The following HS6ST3 variants were observed in gnomAD, a reference collection of about 807,000 sequenced individuals.
HS6ST3 encodes the protein heparan-sulfate 6-O-sulfotransferase 3.
HS6ST3 carries 12 observed loss-of-function variants against 36.7 expected under a neutral mutation model. The observed-to-expected ratio is 0.33, with a 90% confidence interval of 0.21 to 0.53. HS6ST3 has a LOEUF of 0.53. Ranked by LOEUF, HS6ST3 falls within the 20% of genes least tolerant of loss-of-function variation. The pLI, the probability that HS6ST3 is intolerant of heterozygous loss-of-function variation, is 0.95. For missense variants in HS6ST3, 584 were observed against 640.9 expected (o/e 0.91, Z 0.96); for synonymous variants, 240 against 257.5 (o/e 0.93, Z 0.65).
chr13:96,609,973 AT>A (rs1444080482), intron 1 of HS6ST3, among the ~76,000 whole-genome samples: 2 of 152,198 alleles, frequency 1.3e-5, no homozygotes, highest in Non-Finnish European at 2.9e-5. Flanking sequence ...AAGAACAGCT[AT>A]TATGCTTGTT....
chr13:96,717,736 T>C (rs1875738134), intron 1 of HS6ST3, among the ~76,000 whole-genome samples: 1 of 152,140 alleles, frequency 6.6e-6, no homozygotes, highest in Non-Finnish European at 1.5e-5. Context: ...TCTCCTGGTG[T>C]CAAGCTGGAA....
chr13:96,370,639 T>C (rs1195159041), intron 1 of HS6ST3, among the ~76,000 whole-genome samples: 1 of 152,202 alleles, frequency 6.6e-6, no homozygotes, highest in Non-Finnish European at 1.5e-5. Flanking sequence ...TGGCCAGGTG[T>C]GGTGGCTCAT....
At chr13:96,602,051 T>A (rs2056423566) in intron 1 of HS6ST3, among the ~76,000 whole-genome samples, 1 of 152,304 alleles carries the variant, frequency 6.6e-6, no homozygotes, top group South Asian at 2.1e-4. Flanking sequence ...TAGTATTTTT[T>A]AAACTGCGTT....
chr13:96,274,399 A>G (rs1026116859), intron 1 of HS6ST3, among the ~76,000 whole-genome samples: 1 of 151,988 alleles, frequency 6.6e-6, no homozygotes. Context: ...GCTGCATTAG[A>G]CTAGGGAGAG....
At chr13:96,093,412 T>G (rs2053774818) in intron 1 of HS6ST3, among the ~76,000 whole-genome samples, 1 of 152,180 alleles carries the variant, frequency 6.6e-6, no homozygotes, top group African/African-American at 2.4e-5. Context: ...ATATCTCTAT[T>G]CTGTTGACAC....
chr13:96,096,438 CTTTTA>C (rs2053791468), intron 1 of HS6ST3, among the ~76,000 whole-genome samples: 1 of 152,060 alleles, frequency 6.6e-6, no homozygotes, highest in Non-Finnish European at 1.5e-5. Flanking sequence ...CCTGGATGGC[CTTTTA>C]TTTTAAGTTT....
At chr13:96,406,197 T>G (rs1318043745) in intron 1 of HS6ST3, among the ~76,000 whole-genome samples, 1 of 152,132 alleles carries the variant, frequency 6.6e-6, no homozygotes, top group African/African-American at 2.4e-5. Flanking sequence ...TATTCAGACA[T>G]TATTCTGCTA....
chr13:96,590,095 T>C (rs780238202), intron 1 of HS6ST3, among the ~76,000 whole-genome samples: 4 of 152,168 alleles, frequency 2.6e-5, no homozygotes, highest in Non-Finnish European at 5.9e-5. Flanking sequence ...TGATGGACAC[T>C]TGGGTTGCTT....
chr13:96,445,615 C>T (rs961158617), intron 1 of HS6ST3, among the ~76,000 whole-genome samples: 1 of 151,920 alleles, frequency 6.6e-6, no homozygotes, highest in Admixed American at 6.6e-5. Flanking sequence ...ACCTGTAATC[C>T]CAGCACTTTG....
chr13:96,473,531 G>A (rs1458460171), intron 1 of HS6ST3, among the ~76,000 whole-genome samples: 1 of 152,144 alleles, frequency 6.6e-6, no homozygotes, highest in Non-Finnish European at 1.5e-5. Flanking sequence ...GTCTGGCATC[G>A]CTACCTCTTC....
At chr13:96,739,879 G>C (rs1369252728) in intron 1 of HS6ST3, among the ~76,000 whole-genome samples, 1 of 152,018 alleles carries the variant, frequency 6.6e-6, no homozygotes, top group Non-Finnish European at 1.5e-5. Context: ...AGCCTGATGT[G>C]ATCCACTGTG....
At chr13:96,822,510 A>G (rs575995771) in intron 1 of HS6ST3, among the ~76,000 whole-genome samples, 1 of 152,302 alleles carries the variant, frequency 6.6e-6, no homozygotes, top group South Asian at 2.1e-4. Context: ...CAACCACCCG[A>G]AAATCATGGC....
chr13:96,542,350 G>A (rs2056181733), intron 1 of HS6ST3, among the ~76,000 whole-genome samples: 1 of 152,140 alleles, frequency 6.6e-6, no homozygotes, highest in Non-Finnish European at 1.5e-5. Flanking sequence ...TGATAATAGA[G>A]TCACTTGGGC....
intron 1 of HS6ST3, among the ~76,000 whole-genome samples, chr13:96,733,590 A>G (rs16953545): frequency 0.017 from 2,651 of 152,294 alleles, 65 homozygotes; most frequent in African/African-American, 0.06. Flanking sequence ...TATATATTCT[A>G]TAACAATTTT....
At chr13:96,542,244 A>T (rs982903147) in intron 1 of HS6ST3, among the ~76,000 whole-genome samples, 4 of 152,164 alleles carry the variant, frequency 2.6e-5, no homozygotes, top group African/African-American at 4.8e-5. Flanking sequence ...AAAAACCATT[A>T]CCCATAGATA....
At chr13:96,499,895 A>G (rs569006065) in intron 1 of HS6ST3, among the ~76,000 whole-genome samples, 7 of 152,314 alleles carry the variant, frequency 4.6e-5, no homozygotes, top group African/African-American at 1.7e-4. Context: ...GCATGATCTG[A>G]CGTCAGTGTT....
chr13:96,515,400 G>A (rs1260820529), intron 1 of HS6ST3, among the ~76,000 whole-genome samples: 1 of 152,178 alleles, frequency 6.6e-6, no homozygotes, highest in Non-Finnish European at 1.5e-5. Flanking sequence ...ATGAGGGGAT[G>A]GCGTTGTTCA....
chr13:96,373,807 C>A (rs920868467), intron 1 of HS6ST3, among the ~76,000 whole-genome samples: 6 of 152,152 alleles, frequency 3.9e-5, no homozygotes, highest in African/African-American at 1.4e-4. Flanking sequence ...CAGGGGTATA[C>A]AAATCATGGT....
intron 1 of HS6ST3, among the ~76,000 whole-genome samples, chr13:96,460,891 G>A (rs1052069472): frequency 1.1e-4 from 17 of 152,144 alleles, no homozygotes; most frequent in Non-Finnish European, 5.9e-5. Flanking sequence ...ACAATGCATG[G>A]GAGCTGGACA....
Sources: allele counts gnomAD v4.1 joint callset (sites outside exome capture counted in the v4.1 genomes callset), GRCh38; gene constraint gnomAD v4.1.1; transcripts MANE v1.5; gene names NCBI Gene and HGNC (gene_info 2026-07-23, HGNC 2026-07-21).